POLR2H: variants seen among roughly 807,000 people sequenced by gnomAD.
POLR2H encodes RNA polymerase II, I and III subunit H.
A neutral mutation model predicts 18.1 loss-of-function variants in POLR2H; 3 were observed. The observed-to-expected ratio is 0.17, with a 90% CI of 0.08 to 0.43. The LOEUF (loss-of-function observed/expected upper bound fraction) is 0.43. Among genes scored for constraint, POLR2H ranks in the 20% least tolerant of loss-of-function variants. The pLI is 0.99. For missense variants in POLR2H, 103 were observed against 184.6 expected, an observed-to-expected ratio of 0.56 and a Z score of 2.56; for synonymous variants, 76 against 69.0, an observed-to-expected ratio of 1.10 and a Z score of -0.50.
intron 2 of POLR2H, among the ~76,000 whole-genome samples, chr3:184,363,808 A>C (rs1712750938): frequency 6.6e-6 from 1 of 152,142 alleles, no homozygotes. Context: ...TCCTAGGCAT[A>C]TTTATAATCG....
rs899286475 is a variant in POLR2H, at chr3:184,362,312, C to G, written c.-621+166C>G. ...CCCTGGCTGGGCCCAAGGAGGAACCCAAGTCGCTGCTTCCATCCCTCCGCT... is the reference window on the plus strand; with the variant it reads ...CCCTGGCTGGGCCCAAGGAGGAACCGAAGTCGCTGCTTCCATCCCTCCGCT... On this transcript the variant is annotated intron_variant, in intron 1 of 5. Coordinates refer to ENST00000456318, the MANE Select transcript of POLR2H (RefSeq NM_006232.5). The surrounding 1 kb of genome is among the most constrained non-coding windows in gnomAD (Gnocchi z 5.9). 3.9e-5 allele frequency: 6 copies of G among 152,512 alleles called. No homozygotes were observed. The highest frequency in any genetic ancestry group is 7.3e-5 in the Non-Finnish European group (5 of 68,216). The allele number at this position is 152,512 out of a possible 1,614,324, so 9.4% of individuals were successfully genotyped here.
At chr3:184,365,512 A>C in intron 4 of POLR2H, 1 of 204,032 alleles carries the variant, frequency 4.9e-6, no homozygotes. Context: ...AAGAAGAGAG[A>C]AAAAAAAAAA....
At chr3:184,367,643 T>C (rs1256427214) in intron 5 of POLR2H, among the ~76,000 whole-genome samples, 1 of 151,926 alleles carries the variant, frequency 6.6e-6, no homozygotes, top group Admixed American at 6.6e-5. Context: ...CCCACCACCA[T>C]GCCTGGCTAA....
At chr3:184,363,998 C>T (rs1344576740) in intron 2 of POLR2H, among the ~76,000 whole-genome samples, 1 of 152,128 alleles carries the variant, frequency 6.6e-6, no homozygotes, top group Non-Finnish European at 1.5e-5. Flanking sequence ...TTGCAGTGAG[C>T]CAAGATCGCG....
chr3:184,364,839 C>T (rs1712957320), intron 2 of POLR2H, 127 bp from the exon 3 acceptor site: 1 of 668,554 alleles, frequency 1.5e-6, no homozygotes, highest in Admixed American at 2.6e-5. Flanking sequence ...GCCTGAATTT[C>T]TATGAGAGCA....
chr3:184,367,164 TG>T (rs1577347510), intron 5 of POLR2H, among the ~76,000 whole-genome samples: 23 of 152,008 alleles, frequency 1.5e-4, no homozygotes, highest in Non-Finnish European at 2.6e-4. Context: ...TGTGTGTGTG[TG>T]TGTGTGGCTA....
intron 2 of POLR2H, among the ~76,000 whole-genome samples, chr3:184,364,092 A>G (rs986831302): frequency 6.6e-5 from 10 of 151,964 alleles, no homozygotes; most frequent in Admixed American, 6.6e-5. Context: ...TGCCTTTCCC[A>G]TTTTTCTCTG....
intron 2 of POLR2H, among the ~76,000 whole-genome samples, chr3:184,363,911 C>T (rs1049258893): frequency 3.0e-4 from 45 of 152,242 alleles, no homozygotes; most frequent in African/African-American, 1.0e-3. Context: ...ATTAGCCTGG[C>T]GTGGTGGCGG....
intron 4 of POLR2H, among the ~76,000 whole-genome samples, chr3:184,366,329 C>T (rs1262832985): frequency 6.7e-6 from 1 of 149,522 alleles, no homozygotes; most frequent in Non-Finnish European, 1.5e-5. Flanking sequence ...CATTTAGTTA[C>T]CAGTAACCAT....
Position 184,368,252 on chromosome 3 carries a change from G to A in POLR2H, c.411G>A (p.Val137=). ...GDANNLHGFE[V]DSRVYLLMKK... ...CCAACAACCTGCATGGATTCGAGGT[G>A]GACTCCAGAGTTTATCTCCTGATGA... Residue 137 remains valine, a synonymous_variant, in exon 6 of 6, where the codon GTG becomes GTA. Transcript: ENST00000456318. 6.2e-7 allele frequency: 1 copy of A among 1,612,204 alleles called. No homozygotes were observed. Among genetic ancestry groups the A allele is most frequent in the Non-Finnish European group, 8.5e-7 (1 of 1,178,822 alleles).
Position 184,367,548 on chromosome 3 carries a change from G to A in POLR2H, c.336-629G>A, listed in dbSNP as rs568869211. On this transcript the variant is annotated intron_variant, in intron 5 of 5. Coordinates refer to ENST00000456318, the MANE Select transcript of POLR2H (RefSeq NM_006232.5). ...GTTGCCCAGCCTGGAGTGCAGTGGC[G>A]CGATCTCGGCTCACTGCAAGCTCCG... Among the ~76,000 whole-genome samples, 51 of 150,656 alleles carry A rather than the reference G, an allele frequency of 3.4e-4. No homozygotes were observed. The East Asian group carries it at 3.5e-3, about 10-fold the overall frequency.
In POLR2H at chr3:184,368,565, C is replaced by G. The variant is rs2108613403; in HGVS notation, c.*271C>G. ...TGCCCCTCCCCTTTTTGTAAAAAGT[C>G]CATTTACTGTAAAATCGTTTTTTCC... On this transcript the variant is annotated 3_prime_UTR_variant, in exon 6 of 6. Transcript: ENST00000456318. 1 of 336,688 alleles carries G rather than the reference C, an allele frequency of 3.0e-6. No individual in the cohort carries two copies. Among genetic ancestry groups the G allele is most frequent in the South Asian group, 9.2e-5 (1 of 10,846 alleles). 20.9% of individuals were successfully genotyped at this position (336,688 alleles called of 1,614,324 possible).
chr3:184,364,691 A>G (rs1712932341), intron 2 of POLR2H: 1 of 508,468 alleles, frequency 2.0e-6, no homozygotes, highest in Non-Finnish European at 3.5e-6. Flanking sequence ...GGATGATTGA[A>G]TAACTTGCCC....
In POLR2H at chr3:184,368,398, CA is replaced by C; in HGVS notation, c.*105del. 1 of 928,790 alleles carries C rather than the reference CA, an allele frequency of 1.1e-6. No individual in the cohort carries two copies. 57.5% of individuals were successfully genotyped at this position (928,790 alleles called of 1,614,324 possible). ...CTCACCTGTTGAGGAAGGGCTGGCT[CA>C]CTGTCCACCGTGGCGGCATCTTTAA... On this transcript the variant is annotated 3_prime_UTR_variant, in exon 6 of 6. Coordinates refer to ENST00000456318, the MANE Select transcript of POLR2H (RefSeq NM_006232.5).
chr3:184,364,837 T>G, intron 2 of POLR2H, 129 bp from the exon 3 acceptor site: 1 of 663,958 alleles, frequency 1.5e-6, no homozygotes, highest in Non-Finnish European at 2.7e-6. Flanking sequence ...GAGCCTGAAT[T>G]TCTATGAGAG....
intron 4 of POLR2H, chr3:184,366,450 A>G (rs41266275): frequency 0.14 from 32,557 of 231,860 alleles, 2,877 homozygotes; most frequent in African/African-American, 0.29. Flanking sequence ...CCATTCTCCT[A>G]CCTCAGCCTC....
intron 4 of POLR2H, among the ~76,000 whole-genome samples, chr3:184,366,224 A>T (rs567755832): frequency 6.6e-6 from 1 of 152,218 alleles, no homozygotes; most frequent in South Asian, 2.1e-4. Context: ...CTGTTTCCTC[A>T]TCAATAAAAT....
intron 4 of POLR2H, chr3:184,365,504 G>C: frequency 1.5e-5 from 5 of 337,420 alleles, no homozygotes; most frequent in Non-Finnish European, 2.2e-5. Flanking sequence ...CTACAAAAAA[G>C]AAGAGAGAAA....
At chr3:184,367,058 T>C (rs28467468) in intron 5 of POLR2H, among the ~76,000 whole-genome samples, 70,329 of 151,852 alleles carry the variant, frequency 0.46, 17,732 homozygotes, top group African/African-American at 0.66. Context: ...TCCCCAGGAA[T>C]AAATGCAGCA....
Sources: allele counts gnomAD v4.1 joint callset (sites outside exome capture counted in the v4.1 genomes callset), GRCh38; gene constraint gnomAD v4.1.1; non-coding constraint Gnocchi (gnomAD v3.1); transcripts MANE v1.5; gene names NCBI Gene and HGNC (gene_info 2026-07-23, HGNC 2026-07-21).